The following IL4I1 variants were observed in gnomAD, a reference collection of about 807,000 sequenced individuals.
IL4I1 encodes interleukin 4 induced 1.
IL4I1 carries 24 observed loss-of-function variants against 29.7 expected under a neutral mutation model. That is an observed-to-expected ratio of 0.81 (90% CI 0.59 to 1.14). The LOEUF is 1.14. Among genes scored for constraint, IL4I1 ranks in the 50% most tolerant of loss-of-function variants. The pLI, the probability that IL4I1 is intolerant of heterozygous loss-of-function variation, is 0.00. For synonymous variants in IL4I1, 371 were observed against 352.5 expected, an observed-to-expected ratio of 1.05 and a Z score of -0.59; for missense variants, 686 against 785.6, an observed-to-expected ratio of 0.87 and a Z score of 1.52.
chr19:49,912,143 A>G (rs1600511627), intron 2 of IL4I1, among the ~76,000 whole-genome samples: 2 of 149,954 alleles, frequency 1.3e-5, no homozygotes, highest in Non-Finnish European at 3.0e-5. Context: ...TTCTATGGGG[A>G]CTTGTCTGGC....
intron 4 of IL4I1, 91 bp from the exon 5 acceptor site, chr19:49,894,560 AGT>A: frequency 1.9e-6 from 1 of 523,592 alleles, no homozygotes; most frequent in Non-Finnish European, 3.4e-6. Context: ...GGGAGGGGAG[AGT>A]AGCTGGGGAC....
chr19:49,901,339 G>A (rs193134305), upstream of IL4I1, among the ~76,000 whole-genome samples: 735 of 152,278 alleles, frequency 4.8e-3, 3 homozygotes, highest in South Asian at 0.029. Context: ...AGCCGAGACC[G>A]CGCCATTCCA....
At chr19:49,901,179 C>T (rs575808619), upstream of IL4I1, among the ~76,000 whole-genome samples, 25 of 152,210 alleles carry the variant, frequency 1.6e-4, no homozygotes, top group African/African-American at 4.1e-4. Context: ...ATCAGGAGTT[C>T]GAGACCAGCC....
chr19:49,924,906 C>A (rs1186358549), intron 2 of IL4I1, among the ~76,000 whole-genome samples: 2 of 152,184 alleles, frequency 1.3e-5, no homozygotes, highest in Non-Finnish European at 2.9e-5. Context: ...GACACCTCTG[C>A]AGCCAGCATA....
At chr19:49,903,142 G>A (rs1311880894) in intron 3 of IL4I1, among the ~76,000 whole-genome samples, 1 of 151,886 alleles carries the variant, frequency 6.6e-6, no homozygotes, top group Non-Finnish European at 1.5e-5. Context: ...AACAAAAAAC[G>A]GTTGGTTTGT....
Position 49,908,255 on chromosome 19 carries a change from C to T in IL4I1, c.-227-3934G>A, listed in dbSNP as rs569791604. ...TGCTGTCGCTCAGTCAAAGGTGATC[C>T]GGAAGCTGCGCTCCTGCTCCTTGCG... is the stretch of plus-strand genomic sequence containing the variant. On this transcript the variant is annotated intron_variant, in intron 2 of 9. Coordinates refer to the IL4I1 transcript ENST00000341114. 21 of 1,613,262 alleles carry T rather than the reference C, an allele frequency of 1.3e-5. No homozygotes were observed. The highest frequency in any genetic ancestry group is 1.6e-5 in the Non-Finnish European group (19 of 1,180,044).
chr19:49,890,839 C>T, intron 7 of IL4I1, 132 bp downstream of exon 7: 2 of 855,764 alleles, frequency 2.3e-6, no homozygotes, highest in South Asian at 1.8e-5. Flanking sequence ...GAACCCTTAG[C>T]CCCGCGACCA....
intron 2 of IL4I1, among the ~76,000 whole-genome samples, chr19:49,926,639 G>A (rs1297670633): frequency 2.6e-5 from 4 of 152,196 alleles, no homozygotes; most frequent in East Asian, 3.8e-4. Flanking sequence ...ACGTCTGTGC[G>A]TCCTTACCAC....
intron 2 of IL4I1, among the ~76,000 whole-genome samples, chr19:49,910,905 T>C (rs776527713): frequency 2.0e-5 from 3 of 151,434 alleles, no homozygotes; most frequent in Non-Finnish European, 4.4e-5. Flanking sequence ...TGAATAGGGG[T>C]GGTTTCTTTT....
At chr19:49,919,811 G>GAATA (rs58937062) in intron 2 of IL4I1, among the ~76,000 whole-genome samples, 2 of 151,538 alleles carry the variant, frequency 1.3e-5, no homozygotes, top group African/African-American at 4.9e-5. Context: ...TAATATAAAA[G>GAATA]GACTGGAAGA....
intron 2 of IL4I1, among the ~76,000 whole-genome samples, chr19:49,911,653 C>T (rs565499070): frequency 1.4e-4 from 22 of 152,318 alleles, no homozygotes; most frequent in African/African-American, 5.1e-4. Context: ...GAGATGACCC[C>T]AGGGCCAGCT....
chr19:49,901,621 C>T, upstream of IL4I1: 1 of 1,484,066 alleles, frequency 6.7e-7, no homozygotes, highest in Non-Finnish European at 9.0e-7. Context: ...TCCCAGGGCC[C>T]CGGGTGGGGG....
In IL4I1 at chr19:49,890,549, G is replaced by C; in HGVS notation, c.825C>G (p.Ser275Arg). 6.3e-7 allele frequency: 1 copy of C among 1,598,490 alleles called. No homozygotes were observed. The highest frequency in any genetic ancestry group is 8.5e-7 in the Non-Finnish European group (1 of 1,174,640). The part of the protein sequence containing the change: ...GWDLLPRALL[S>R]SLSGLVLLNA... ...TCAACAGCACAAGCCCGGACAGCGA[G>C]CTCAGCAGCGCGCGCGGCAGCAGGT... Residue 275 changes from serine (S) to arginine (R), a missense_variant, in exon 8 of 8, where the codon AGC (serine) becomes AGG (arginine). Physicochemically the swap from Ser to Arg is moderately radical, Grantham distance 110 (BLOSUM62 -1). Transcript: ENST00000391826.
At chr19:49,907,724 CG>C (rs2075355886) in intron 2 of IL4I1, 1 of 341,002 alleles carries the variant, frequency 2.9e-6, no homozygotes, top group African/African-American at 2.2e-5. Flanking sequence ...TTAGTAGAGA[CG>C]GGGTTTCACC....
At position 49,903,188 on chromosome 19, in the gene IL4I1, G is replaced by T. The variant is rs370535731; in HGVS notation, c.-105+1011C>A. ...ATCACAGTCCATATTGCATTTGAGT[G>T]ACATTGTCTTGGTCAGTAAGTGTCA... On this transcript the variant is annotated intron_variant, in intron 3 of 9. Transcript: ENST00000341114. Among the ~76,000 whole-genome samples, 3 of 152,284 alleles carry T rather than the reference G, an allele frequency of 2.0e-5. No homozygotes were observed. In the South Asian group the frequency reaches 6.2e-4, roughly 32 times the overall value.
rs1205285428 is a variant in IL4I1, at chr19:49,919,594, CT to C, written c.-228+8099del. 3.9e-5 allele frequency among the ~76,000 whole-genome samples: 6 copies of C among 152,326 alleles called. No homozygotes were observed. The East Asian group carries it at 1.2e-3, about 29-fold the overall frequency. On this transcript the variant is annotated intron_variant, in intron 2 of 9. Coordinates refer to the IL4I1 transcript ENST00000341114. ...CACTGATTTTCAACCTTCTCTCCTGCTTTCCCCTGAAGTCACCTGACGGCTA... is the reference window on the plus strand; with the variant it reads ...CACTGATTTTCAACCTTCTCTCCTGCTTCCCCTGAAGTCACCTGACGGCTA...
chr19:49,920,537 C>T (rs1420190915), intron 2 of IL4I1, among the ~76,000 whole-genome samples: 1 of 152,224 alleles, frequency 6.6e-6, no homozygotes, highest in Admixed American at 6.5e-5. Context: ...ACCAACCGAC[C>T]AACCAACCAA....
chr19:49,909,960 G>C, intron 2 of IL4I1: 1 of 774,700 alleles, frequency 1.3e-6, no homozygotes, highest in Non-Finnish European at 2.3e-6. Context: ...GGCACAGTCG[G>C]TTTGGAGGGT....
chr19:49,923,551 C>G (rs1152234), intron 2 of IL4I1, among the ~76,000 whole-genome samples: 36,351 of 152,078 alleles, frequency 0.24, 4,490 homozygotes, highest in African/African-American at 0.29. Context: ...GAATCACACA[C>G]AGACCCGGGC....
Sources: gnomAD v4.1 joint callset for allele counts (sites outside exome capture counted in the v4.1 genomes callset) on GRCh38, gnomAD v4.1.1 for gene constraint, MANE v1.5 for transcripts, NCBI Gene and HGNC (gene_info 2026-07-23, HGNC 2026-07-21) for gene names.